STXBP5L: variants seen among roughly 807,000 people sequenced by gnomAD.
The protein encoded by STXBP5L is syntaxin-binding protein 5-like.
In STXBP5L, 65 loss-of-function variants were observed where a neutral mutation model predicts 144.5. The observed-to-expected ratio is 0.45, with a 90% CI of 0.37 to 0.55. The LOEUF (loss-of-function observed/expected upper bound fraction) is 0.55. Ranked by LOEUF, STXBP5L falls within the 20% of genes least tolerant of loss-of-function variation. The pLI, the probability that STXBP5L is intolerant of heterozygous loss-of-function variation, is 0.00. For missense variants in STXBP5L, 1,298 were observed against 1,405.5 expected, an observed-to-expected ratio of 0.92 and a Z score of 1.22; for synonymous variants, 505 against 469.6, an observed-to-expected ratio of 1.08 and a Z score of -0.97.
intron 19 of STXBP5L, among the ~76,000 whole-genome samples, chr3:121,280,555 T>C (rs921386807): frequency 2.6e-5 from 4 of 151,892 alleles, no homozygotes; most frequent in African/African-American, 9.7e-5. Context: ...TAAAAGAAAA[T>C]AAACTTAAGG....
chr3:121,408,241 C>G (rs771840497), intron 23 of STXBP5L, among the ~76,000 whole-genome samples: 2 of 151,782 alleles, frequency 1.3e-5, no homozygotes, highest in African/African-American at 4.8e-5. Flanking sequence ...ATAAAATTTA[C>G]GAGACACAAA....
chr3:121,075,666 G>T (rs2041989248), intron 5 of STXBP5L, among the ~76,000 whole-genome samples: 1 of 152,130 alleles, frequency 6.6e-6, no homozygotes, highest in African/African-American at 2.4e-5. Context: ...AATTCACTGG[G>T]ACTTTCATTT....
At chr3:121,161,534 G>T (rs1176600982) in intron 9 of STXBP5L, among the ~76,000 whole-genome samples, 1 of 151,666 alleles carries the variant, frequency 6.6e-6, no homozygotes, top group Non-Finnish European at 1.5e-5. Flanking sequence ...ATTCTGTTAA[G>T]GGTTCTACCA....
chr3:121,380,252 CT>C (rs1467948107), intron 21 of STXBP5L, among the ~76,000 whole-genome samples: 1 of 152,142 alleles, frequency 6.6e-6, no homozygotes, highest in African/African-American at 2.4e-5. Context: ...AACCTCCAAG[CT>C]CCCTCTCATC....
chr3:121,141,715 A>G lies in STXBP5L; in HGVS notation c.670-10762A>G, dbSNP rs987612357. 7.9e-4 allele frequency among the ~76,000 whole-genome samples: 120 copies of G among 152,298 alleles called. 1 individual carries two copies. The highest frequency in any genetic ancestry group is 2.7e-3 in the African/African-American group (114 of 41,572). On this transcript the variant is annotated intron_variant, in intron 7 of 26. Transcript: ENST00000471454. ...AAGGTGTTATTGCTTAAAATAGAGC[A>G]TTAGATTTTATGTAAGTCCTAAGGT...
intron 3 of STXBP5L, among the ~76,000 whole-genome samples, chr3:121,004,497 C>T (rs1028209246): frequency 2.0e-5 from 3 of 151,716 alleles, no homozygotes; most frequent in African/African-American, 7.3e-5. Flanking sequence ...CGTCTGCAAA[C>T]AGGGACAATT....
intron 20 of STXBP5L, among the ~76,000 whole-genome samples, chr3:121,346,107 C>T (rs2044958988): frequency 1.4e-5 from 2 of 144,956 alleles, no homozygotes; most frequent in African/African-American, 2.5e-5. Context: ...CTCTCCCCTC[C>T]CCCGACCCCA....
chr3:121,113,552 G>A (rs1242421529), intron 5 of STXBP5L, among the ~76,000 whole-genome samples: 2 of 151,874 alleles, frequency 1.3e-5, no homozygotes, highest in African/African-American at 4.8e-5. Context: ...AGTGTGCAGG[G>A]TACTTTGAAT....
intron 20 of STXBP5L, among the ~76,000 whole-genome samples, chr3:121,369,209 G>A (rs923706703): frequency 2.6e-5 from 4 of 152,232 alleles, no homozygotes; most frequent in Non-Finnish European, 1.5e-5. Flanking sequence ...TACCATCTAA[G>A]CCTTCCCCTG....
At chr3:121,238,768 AT>A (rs1051266035) in intron 12 of STXBP5L, among the ~76,000 whole-genome samples, 3 of 152,070 alleles carry the variant, frequency 2.0e-5, no homozygotes, top group African/African-American at 7.2e-5. Context: ...CTTGAGTAAA[AT>A]TTTACTAGTA....
intron 18 of STXBP5L, among the ~76,000 whole-genome samples, chr3:121,270,306 A>C (rs2050698853): frequency 6.7e-6 from 1 of 149,798 alleles, no homozygotes; most frequent in Non-Finnish European, 1.5e-5. Flanking sequence ...ATTCAGGACT[A>C]TTTTCTACTT....
intron 5 of STXBP5L, among the ~76,000 whole-genome samples, chr3:121,100,863 A>G (rs960898740): frequency 6.6e-6 from 1 of 152,070 alleles, no homozygotes; most frequent in Admixed American, 6.6e-5. Context: ...TAACAAAGAA[A>G]AAAAAGAGGA....
intron 12 of STXBP5L, among the ~76,000 whole-genome samples, chr3:121,236,289 T>A (rs1418675445): frequency 1.3e-5 from 2 of 152,240 alleles, no homozygotes; most frequent in African/African-American, 4.8e-5. Context: ...TTTAAAAGTT[T>A]CCTATATATT....
At chr3:120,963,420 GCT>G (rs1179800785) in intron 3 of STXBP5L, among the ~76,000 whole-genome samples, 1 of 152,086 alleles carries the variant, frequency 6.6e-6, no homozygotes, top group African/African-American at 2.4e-5. Context: ...GTCATAAATA[GCT>G]CTTATTATTT....
chr3:121,233,737 G>T (rs1559890380), intron 12 of STXBP5L, 49 bp downstream of exon 12: 1 of 1,338,458 alleles, frequency 7.5e-7, no homozygotes, highest in South Asian at 1.4e-5. Flanking sequence ...ATTTATTTTA[G>T]ATTATTGGCA....
chr3:121,218,434 G>A (rs2048870284), intron 10 of STXBP5L, among the ~76,000 whole-genome samples: 1 of 149,690 alleles, frequency 6.7e-6, no homozygotes, highest in Non-Finnish European at 1.5e-5. Context: ...AATGCGATTT[G>A]TTTGATGTTC....
At chr3:121,256,575 A>G (rs1305242385) in intron 16 of STXBP5L, among the ~76,000 whole-genome samples, 1 of 151,956 alleles carries the variant, frequency 6.6e-6, no homozygotes, top group Non-Finnish European at 1.5e-5. Flanking sequence ...AGCCAAGGTA[A>G]TGAAATAAAC....
At chr3:121,116,776 C>A (rs1559765582) in intron 6 of STXBP5L, among the ~76,000 whole-genome samples, 1 of 151,850 alleles carries the variant, frequency 6.6e-6, no homozygotes, top group African/African-American at 2.4e-5. Flanking sequence ...CCCCTGTAAT[C>A]CTAGTCCTAT....
At chr3:121,307,553 C>A (rs1189498130) in intron 19 of STXBP5L, among the ~76,000 whole-genome samples, 1 of 151,904 alleles carries the variant, frequency 6.6e-6, no homozygotes, top group Non-Finnish European at 1.5e-5. Flanking sequence ...TAGTGGGACT[C>A]AACAGTAGAT....
Sources: gnomAD v4.1 joint callset for allele counts (sites outside exome capture counted in the v4.1 genomes callset) on GRCh38, gnomAD v4.1.1 for gene constraint, MANE v1.5 for transcripts, NCBI Gene and HGNC (gene_info 2026-07-23, HGNC 2026-07-21) for gene names.